The following NSMCE4A variants were observed in gnomAD, a reference collection of about 807,000 sequenced individuals.
NSMCE4A encodes the protein NSE4A component of SMC5/6 complex, also known as non-structural maintenance of chromosomes element 4 homolog A.
NSMCE4A carries 40 observed loss-of-function variants against 47.9 expected under a neutral mutation model. The ratio of observed to expected loss-of-function variants is 0.83; its 90% CI spans 0.65 to 1.09. NSMCE4A has a LOEUF of 1.09. Ranked by LOEUF, NSMCE4A falls within the 50% of genes least tolerant of loss-of-function variation. The pLI, the probability that NSMCE4A is intolerant of heterozygous loss-of-function variation, is 0.00. For synonymous variants in NSMCE4A, 166 were observed against 178.5 expected, an observed-to-expected ratio of 0.93 and a Z score of 0.56; for missense variants, 500 against 507.0, an observed-to-expected ratio of 0.99 and a Z score of 0.13.
At chr10:121,973,940 C>G in intron 2 of NSMCE4A, 64 bp downstream of exon 2, 1 of 1,101,684 alleles carries the variant, frequency 9.1e-7, no homozygotes, top group Non-Finnish European at 1.3e-6. Context: ...AATAATTTGG[C>G]GCTTATGTAA....
chr10:121,971,120 T>C, intron 2 of NSMCE4A, 51 bp from the exon 3 acceptor site: 2 of 1,516,458 alleles, frequency 1.3e-6, no homozygotes, highest in Non-Finnish European at 1.8e-6. Flanking sequence ...ACATTATCCA[T>C]AGACTTTTTC....
chr10:121,973,947 G>A, intron 2 of NSMCE4A, 57 bp downstream of exon 2: 1 of 1,222,436 alleles, frequency 8.2e-7, no homozygotes, highest in Non-Finnish European at 1.2e-6. Flanking sequence ...TGGCGCTTAT[G>A]TAACACTAAT....
At chr10:121,971,309 G>C (rs1209182368) in intron 2 of NSMCE4A, among the ~76,000 whole-genome samples, 14 of 152,104 alleles carry the variant, frequency 9.2e-5, no homozygotes, top group African/African-American at 4.8e-5. Flanking sequence ...AGGAGATCGA[G>C]ACCATCCTGG....
intron 2 of NSMCE4A, among the ~76,000 whole-genome samples, chr10:121,971,387 G>A (rs1481027141): frequency 6.6e-6 from 1 of 152,156 alleles, no homozygotes; most frequent in East Asian, 1.9e-4. Flanking sequence ...GCGGGCGCCT[G>A]TAGTCCCAGC....
At chr10:121,974,616 C>A in intron 1 of NSMCE4A, 1 of 1,058,786 alleles carries the variant, frequency 9.4e-7, no homozygotes, top group African/African-American at 1.7e-5. Context: ...TCGGGCGAGT[C>A]CGCGAACGGC....
In NSMCE4A at chr10:121,959,572, T is replaced by G. The variant is rs1471877001; in HGVS notation, c.1012A>C (p.Asn338His). The G allele has an allele frequency of 1.9e-6, 3 of 1,613,840 alleles. No homozygotes were observed. The highest frequency in any genetic ancestry group is 1.7e-5 in the Admixed American group (1 of 59,998). ...VIEPVSINEE[N>H]EGFEHNTQVR... The stretch of plus-strand genomic sequence containing the variant: ...TGTGTGTTATGTTCAAATCCCTCAT[T>G]TTCTTCATTAATACTAACAGGCTCT... Residue 338 changes from asparagine to histidine, a missense_variant, in exon 9 of 11, where the codon AAT becomes CAT. Physicochemically the swap from Asn to His is moderately conservative, Grantham distance 68. Coordinates refer to ENST00000369023, the MANE Select transcript of NSMCE4A (RefSeq NM_017615.3).
chr10:121,964,588 C>A (rs1322006890), intron 5 of NSMCE4A, among the ~76,000 whole-genome samples: 1 of 152,098 alleles, frequency 6.6e-6, no homozygotes, highest in Non-Finnish European at 1.5e-5. Context: ...ACTACAGGCA[C>A]CTGCCACCAT....
intron 8 of NSMCE4A, chr10:121,959,949 G>C: frequency 3.1e-6 from 1 of 323,754 alleles, no homozygotes; most frequent in Non-Finnish European, 5.7e-6. Flanking sequence ...CTCCACAGGA[G>C]ACCTTAGGAG....
intron 10 of NSMCE4A, among the ~76,000 whole-genome samples, chr10:121,957,726 G>A (rs1952424322): frequency 6.6e-6 from 1 of 151,760 alleles, no homozygotes; most frequent in African/African-American, 2.4e-5. Context: ...GAGCCACTGC[G>A]CCCGGCCTAT....
intron 10 of NSMCE4A, 52 bp downstream of exon 10, chr10:121,959,272 T>A: frequency 6.7e-7 from 1 of 1,485,120 alleles, no homozygotes; most frequent in Non-Finnish European, 9.4e-7. Context: ...ATACTTTGGA[T>A]TGCCAAATGA....
intron 1 of NSMCE4A, chr10:121,974,568 G>C: frequency 9.7e-7 from 1 of 1,026,446 alleles, no homozygotes; most frequent in Non-Finnish European, 1.2e-6. Flanking sequence ...AAAGCACGCG[G>C]AGTCCGCGTC....
intron 2 of NSMCE4A, 99 bp from the exon 3 acceptor site, chr10:121,971,168 A>T: frequency 1.3e-6 from 1 of 796,710 alleles, no homozygotes; most frequent in Non-Finnish European, 1.7e-6. Context: ...TTCCCACTGG[A>T]CTAAAAAAAA....
At chr10:121,962,235 G>A (rs1430681202) in intron 6 of NSMCE4A, 5 of 204,684 alleles carry the variant, frequency 2.4e-5, no homozygotes, top group African/African-American at 4.8e-5. Context: ...TGGCTAACAC[G>A]GTGAAACCCA....
chr10:121,972,369 C>G (rs1454744123), intron 2 of NSMCE4A, among the ~76,000 whole-genome samples: 1 of 152,166 alleles, frequency 6.6e-6, no homozygotes, highest in Non-Finnish European at 1.5e-5. Flanking sequence ...GATTAAGCAA[C>G]CCCCTCAGCC....
At chr10:121,972,426 C>T (rs1952732814) in intron 2 of NSMCE4A, among the ~76,000 whole-genome samples, 1 of 152,172 alleles carries the variant, frequency 6.6e-6, no homozygotes, top group Non-Finnish European at 1.5e-5. Flanking sequence ...CATGAGTATC[C>T]TGTGCCTGCC....
At chr10:121,963,411 T>A (rs1291172720) in intron 5 of NSMCE4A, 83 bp from the exon 6 acceptor site, 9 of 747,102 alleles carry the variant, frequency 1.2e-5, no homozygotes, top group Non-Finnish European at 1.8e-5. Flanking sequence ...CAAACTCCTT[T>A]TCTTCTCTCT....
chr10:121,964,941 G>C (rs1043749035), intron 5 of NSMCE4A, among the ~76,000 whole-genome samples: 2 of 151,900 alleles, frequency 1.3e-5, no homozygotes, highest in Non-Finnish European at 2.9e-5. Context: ...CTCAGGGGTC[G>C]GGGGGGCTAT....
intron 10 of NSMCE4A, among the ~76,000 whole-genome samples, 174 bp downstream of exon 10, chr10:121,959,150 C>T (rs1952452828): frequency 6.6e-6 from 1 of 152,108 alleles, no homozygotes; most frequent in African/African-American, 2.4e-5. Context: ...TTAATCAATC[C>T]AGAGAAGGGA....
chr10:121,965,480 A>G, intron 4 of NSMCE4A, 95 bp from the exon 5 acceptor site: 1 of 855,560 alleles, frequency 1.2e-6, no homozygotes. Flanking sequence ...GGTATAGTCA[A>G]ATTCAGACCA....
Sources: gnomAD v4.1 joint callset for allele counts (sites outside exome capture counted in the v4.1 genomes callset) on GRCh38, gnomAD v4.1.1 for gene constraint, MANE v1.5 for transcripts, NCBI Gene and HGNC (gene_info 2026-07-23, HGNC 2026-07-21) for gene names.